EPB41L3: variants seen among roughly 807,000 people sequenced by gnomAD.
The protein encoded by EPB41L3 is erythrocyte membrane protein band 4.1 like 3.
EPB41L3 carries 57 observed loss-of-function variants against 127.1 expected under a neutral mutation model. The ratio of observed to expected loss-of-function variants is 0.45; its 90% CI spans 0.36 to 0.56. The LOEUF is 0.56. Ranked by LOEUF, EPB41L3 falls within the 20% of genes least tolerant of loss-of-function variation. The probability of loss-of-function intolerance (pLI) is 0.00; values close to 1 mark genes in which losing one functional copy is unlikely to be tolerated. For missense variants in EPB41L3, 1,273 were observed against 1,372.2 expected, an observed-to-expected ratio of 0.93 and a Z score of 1.14; for synonymous variants, 572 against 549.5, an observed-to-expected ratio of 1.04 and a Z score of -0.57.
chr18:5,521,264 A>T (rs528638580), intron 1 of EPB41L3: 17 of 152,356 alleles, frequency 1.1e-4, no homozygotes, highest in Non-Finnish European at 2.2e-4. Context: ...TCACCTGAGC[A>T]CACACAAAAA....
At chr18:5,568,724 G>T (rs2094240249) in intron 3 of EPB41L3, among the ~76,000 whole-genome samples, 1 of 152,146 alleles carries the variant, frequency 6.6e-6, no homozygotes, top group African/African-American at 2.4e-5. Flanking sequence ...GAGGAAGCAG[G>T]TTAAATATTT....
At chr18:5,574,496 CT>C (rs1028777621) in intron 3 of EPB41L3, among the ~76,000 whole-genome samples, 3 of 148,678 alleles carry the variant, frequency 2.0e-5, no homozygotes, top group Non-Finnish European at 4.4e-5. Context: ...TAAGTGTAAT[CT>C]TCCTAATTTG....
intron 3 of EPB41L3, among the ~76,000 whole-genome samples, chr18:5,462,916 G>A (rs2084282665): frequency 6.6e-6 from 1 of 152,146 alleles, no homozygotes. Context: ...TAAATTCACT[G>A]TCTTCCCCCA....
chr18:5,436,436 T>C (rs571200990), intron 6 of EPB41L3, among the ~76,000 whole-genome samples: 33 of 129,078 alleles, frequency 2.6e-4, no homozygotes, highest in African/African-American at 8.9e-4. Flanking sequence ...TGAGACGGAG[T>C]CTCACTCTGT....
chr18:5,491,017 CT>C (rs1271268447), intron 1 of EPB41L3, among the ~76,000 whole-genome samples: 1 of 152,236 alleles, frequency 6.6e-6, no homozygotes, highest in Non-Finnish European at 1.5e-5. Context: ...TCTTCATCTT[CT>C]TTTGGTAACT....
intron 3 of EPB41L3, among the ~76,000 whole-genome samples, chr18:5,471,141 A>G (rs1275059839): frequency 6.6e-6 from 1 of 152,196 alleles, no homozygotes; most frequent in Non-Finnish European, 1.5e-5. Context: ...CAAAGGCTAC[A>G]TGATGTAGCC....
chr18:5,402,636 C>T (rs1300187486), intron 16 of EPB41L3, among the ~76,000 whole-genome samples: 1 of 151,862 alleles, frequency 6.6e-6, no homozygotes, highest in African/African-American at 2.4e-5. Flanking sequence ...ATACAGTTAG[C>T]CTAGTTAATA....
intron 3 of EPB41L3, among the ~76,000 whole-genome samples, chr18:5,607,712 T>G (rs1158356225): frequency 6.6e-6 from 1 of 152,216 alleles, no homozygotes; most frequent in Non-Finnish European, 1.5e-5. Flanking sequence ...TGCAAAGTTC[T>G]TCACTTATCT....
chr18:5,407,813 T>C (rs1568017645), intron 14 of EPB41L3, 77 bp from the exon 15 acceptor site: 2 of 1,408,494 alleles, frequency 1.4e-6, no homozygotes, highest in Admixed American at 1.7e-5. Context: ...ATGGTCTACA[T>C]AGACTTGCTA....
chr18:5,484,070 C>A (rs921118213), intron 2 of EPB41L3, among the ~76,000 whole-genome samples: 1 of 17,200 alleles, frequency 5.8e-5, no homozygotes, highest in Non-Finnish European at 1.7e-4. Flanking sequence ...GGCTATAAAA[C>A]AAGTCCAAAC....
At chr18:5,501,077 G>GT (rs1394131272) in intron 1 of EPB41L3, among the ~76,000 whole-genome samples, 3 of 152,070 alleles carry the variant, frequency 2.0e-5, no homozygotes, top group Admixed American at 6.5e-5. Flanking sequence ...GTGCCAGGAG[G>GT]TGAGTACTGA....
intron 13 of EPB41L3, 130 bp from the exon 14 acceptor site, chr18:5,410,749 A>G (rs2076098990): frequency 3.0e-6 from 2 of 674,596 alleles, no homozygotes; most frequent in Middle Eastern, 3.0e-4. Context: ...GTGTCACACT[A>G]CCTTCTCACA....
chr18:5,515,497 T>C (rs2083111208), intron 1 of EPB41L3, among the ~76,000 whole-genome samples: 1 of 152,166 alleles, frequency 6.6e-6, no homozygotes, highest in African/African-American at 2.4e-5. Context: ...AACTTCCTGA[T>C]TCAGAATTGC....
In EPB41L3 at chr18:5,419,976, G is replaced by C. The variant is rs773914089; in HGVS notation, c.1340-99C>G. 40 of 1,596,328 alleles carry C rather than the reference G, an allele frequency of 2.5e-5. No individual in the cohort carries two copies. The South Asian group carries it at 4.3e-4, about 17-fold the overall frequency. ...AAGAAATAAAATCCAAAATAGTTAG[G>C]TCAGAAGACACATGAACAATACCAA... is the stretch of plus-strand genomic sequence containing the variant. On this transcript the variant is annotated intron_variant, in intron 11 of 22. Coordinates refer to ENST00000341928, the MANE Select transcript of EPB41L3 (RefSeq NM_012307.5).
chr18:5,445,000 G>A (rs2081283085), intron 4 of EPB41L3, 140 bp downstream of exon 4: 2 of 610,910 alleles, frequency 3.3e-6, no homozygotes, highest in African/African-American at 3.7e-5. Context: ...ATGATTAACA[G>A]CATTTACAGA....
At chr18:5,458,528 T>C (rs2083456571) in intron 3 of EPB41L3, among the ~76,000 whole-genome samples, 1 of 152,216 alleles carries the variant, frequency 6.6e-6, no homozygotes, top group South Asian at 2.1e-4. Context: ...GGTGTGATCA[T>C]CTGATGAATG....
intron 1 of EPB41L3, among the ~76,000 whole-genome samples, chr18:5,529,794 G>C (rs1190895386): frequency 6.6e-6 from 1 of 152,042 alleles, no homozygotes; most frequent in Non-Finnish European, 1.5e-5. Context: ...TCTGAGTCTT[G>C]ATCTTTGAGC....
chr18:5,525,930 A>G (rs1753535829), intron 1 of EPB41L3, among the ~76,000 whole-genome samples: 1 of 152,208 alleles, frequency 6.6e-6, no homozygotes, highest in Admixed American at 6.5e-5. Context: ...ATGCAAATTT[A>G]GTGCTTATAA....
chr18:5,585,281 TA>T (rs1225165221), intron 3 of EPB41L3, among the ~76,000 whole-genome samples: 6 of 152,294 alleles, frequency 3.9e-5, no homozygotes, highest in African/African-American at 1.4e-4. Context: ...GAATAAGACA[TA>T]AGGATCTTAA....
Sources: allele counts gnomAD v4.1 joint callset (sites outside exome capture counted in the v4.1 genomes callset), GRCh38; gene constraint gnomAD v4.1.1; transcripts MANE v1.5; gene names NCBI Gene and HGNC (gene_info 2026-07-23, HGNC 2026-07-21).